Variants in CNN3 observed in about 807,000 individuals in gnomAD.
CNN3 encodes calponin 3.
In CNN3, 11 loss-of-function variants were observed where a neutral mutation model predicts 39.0. The observed-to-expected ratio is 0.28, with a 90% CI of 0.18 to 0.47. The LOEUF is 0.47. Among genes scored for constraint, CNN3 ranks in the 20% least tolerant of loss-of-function variants. CNN3 has a pLI of 0.99. For missense variants in CNN3, 266 were observed against 403.4 expected (o/e 0.66, Z 2.92); for synonymous variants, 101 against 138.3 (o/e 0.73, Z 1.89).
rs377017345 is a variant in CNN3 at position 94,899,298 on chromosome 1, C to T, written c.648+73G>A. ...CTCTAAATAAACTATACAAAAAATA[C>T]CTACTTTAAACTTCTGGTTAATAAA... On this transcript the variant is annotated intron_variant, in intron 6 of 6. Coordinates refer to ENST00000370206, the MANE Select transcript of CNN3 (RefSeq NM_001839.5). 1.7e-5 allele frequency: 24 copies of T among 1,450,564 alleles called. No homozygotes were observed. The African/African-American group carries it at 3.5e-4, about 21-fold the overall frequency. 89.9% of individuals were successfully genotyped at this position (1,450,564 alleles called of 1,614,324 possible).
At position 94,926,105 on chromosome 1, in the gene CNN3, T is replaced by C. The variant is rs1671569537; in HGVS notation, c.57+733A>G. Among the ~76,000 whole-genome samples, 1 of 152,110 alleles carries C rather than the reference T, an allele frequency of 6.6e-6. No individual in the cohort carries two copies. The highest frequency in any genetic ancestry group is 1.5e-5 in the Non-Finnish European group (1 of 68,018). On this transcript the variant is annotated intron_variant, in intron 1 of 6. Coordinates refer to ENST00000370206, the MANE Select transcript of CNN3 (RefSeq NM_001839.5). This position sits in a 1 kb window ranked among gnomAD's most constrained non-coding sequence, Gnocchi z 4.2. ...CCCAAACAAAAGCAACCCACAAAAA[T>C]AATCCTTTATGTCGTGAAAGTCTAA...
intron 2 of CNN3, 92 bp downstream of exon 2, chr1:94,903,311 G>A (rs1185648152): frequency 6.5e-7 from 1 of 1,543,884 alleles, no homozygotes; most frequent in Non-Finnish European, 8.7e-7. Context: ...GAATATCAAG[G>A]TCTGACACCC....
chr1:94,920,663 T>C (rs769547248), intron 1 of CNN3, among the ~76,000 whole-genome samples: 2 of 152,196 alleles, frequency 1.3e-5, no homozygotes, highest in African/African-American at 4.8e-5. Context: ...CACAGTAAGA[T>C]GCAGAACCAG....
At chr1:94,904,372 T>C (rs555752197) in intron 1 of CNN3, among the ~76,000 whole-genome samples, 4 of 152,142 alleles carry the variant, frequency 2.6e-5, no homozygotes, top group Non-Finnish European at 5.9e-5. Context: ...AACAAAATAT[T>C]GTGAAAAAAA....
At chr1:94,921,773 A>C in intron 1 of CNN3, among the ~76,000 whole-genome samples, 1 of 152,262 alleles carries the variant, frequency 6.6e-6, no homozygotes. Context: ...TTAAAACTCC[A>C]GAGTAAATAA....
chr1:94,907,334 C>T (rs964849422), intron 1 of CNN3, among the ~76,000 whole-genome samples: 6 of 152,118 alleles, frequency 3.9e-5, no homozygotes, highest in African/African-American at 1.4e-4. Flanking sequence ...TGCAGTCAGG[C>T]CAGCTAAACA....
At position 94,902,212 on chromosome 1, in the gene CNN3, A is replaced by G; in HGVS notation, c.293T>C (p.Met98Thr). The G allele has an allele frequency of 6.2e-7, 1 of 1,612,812 alleles. No homozygotes were observed. Among genetic ancestry groups the G allele is most frequent in the Admixed American group, 1.7e-5 (1 of 60,024 alleles). ...NFIKAIQAYG[M>T]KPHDIFEAND... ...TGCTTCGAATATGTCATGTGGCTTC[A>G]TACCATAAGCCTGAATAGCTTTAAT... Residue 98 changes from methionine (M) to threonine (T), a missense_variant, in exon 4 of 7, where the codon ATG becomes ACG. Met to Thr is a moderately conservative substitution (Grantham distance 81, BLOSUM62 -1). Coordinates refer to ENST00000370206, the MANE Select transcript of CNN3 (RefSeq NM_001839.5).
chr1:94,904,025 T>C (rs1385416084), intron 1 of CNN3, among the ~76,000 whole-genome samples: 1 of 152,112 alleles, frequency 6.6e-6, no homozygotes, highest in African/African-American at 2.4e-5. Flanking sequence ...ACACACTATA[T>C]ACTAAACACA....
intron 1 of CNN3, among the ~76,000 whole-genome samples, chr1:94,924,780 G>C (rs1671537362): frequency 1.3e-5 from 2 of 152,224 alleles, no homozygotes; most frequent in South Asian, 4.1e-4. Flanking sequence ...CTGAGCTTCA[G>C]TGTACTGATC....
At chr1:94,902,859 T>G (rs1263551169) in intron 3 of CNN3, among the ~76,000 whole-genome samples, 1 of 152,130 alleles carries the variant, frequency 6.6e-6, no homozygotes, top group Non-Finnish European at 1.5e-5. Flanking sequence ...AAGTCCTTTC[T>G]GAATGTACAC....
chr1:94,911,023 C>T (rs1414999086), intron 1 of CNN3, among the ~76,000 whole-genome samples: 1 of 152,172 alleles, frequency 6.6e-6, no homozygotes, highest in African/African-American at 2.4e-5. Context: ...GTGTTTGCAT[C>T]CCGAATTCTT....
At chr1:94,903,618 C>T in intron 1 of CNN3, 94 bp from the exon 2 acceptor site, 1 of 1,522,784 alleles carries the variant, frequency 6.6e-7, no homozygotes, top group Non-Finnish European at 9.0e-7. Context: ...GCCATTAAGA[C>T]CACAGCTGTG....
At chr1:94,900,882 G>A (rs922397787) in intron 5 of CNN3, among the ~76,000 whole-genome samples, 3 of 152,180 alleles carry the variant, frequency 2.0e-5, no homozygotes, top group African/African-American at 2.4e-5. Flanking sequence ...CATTAAGGTC[G>A]TGTAAAATTG....
At chr1:94,925,852 T>G in intron 1 of CNN3, 1 of 978,408 alleles carries the variant, frequency 1.0e-6, no homozygotes, top group Non-Finnish European at 1.2e-6. Context: ...CTGTGCACAG[T>G]TCCGCGCCGA....
At chr1:94,902,902 G>A (rs859055) in intron 3 of CNN3, among the ~76,000 whole-genome samples, 76,868 of 151,680 alleles carry the variant, frequency 0.51, 20,793 homozygotes, top group Non-Finnish European at 0.61. Flanking sequence ...TAAGCTAAAC[G>A]TAATAATTAC....
At chr1:94,912,974 T>C (rs1270732500) in intron 1 of CNN3, among the ~76,000 whole-genome samples, 4 of 152,224 alleles carry the variant, frequency 2.6e-5, no homozygotes, top group Admixed American at 6.5e-5. Flanking sequence ...CTCGTGGTGA[T>C]GTGTACCTCA....
At chr1:94,919,183 G>A (rs1306229284) in intron 1 of CNN3, among the ~76,000 whole-genome samples, 1 of 152,160 alleles carries the variant, frequency 6.6e-6, no homozygotes, top group African/African-American at 2.4e-5. Flanking sequence ...CCAATTCTTT[G>A]AAGAAAGATA....
In CNN3 at chr1:94,897,853, C is replaced by T. The variant is rs368719683; in HGVS notation, c.879G>A (p.Ser293=). 2.2e-5 allele frequency: 35 copies of T among 1,613,978 alleles called. 1 individual carries two copies. Among genetic ancestry groups the T allele is most frequent in the Admixed American group, 1.5e-4 (9 of 59,992 alleles). The change falls in exon 7 of 7, where the codon TCG becomes TCA. Residue 293 remains serine (S), a synonymous_variant. Transcript: ENST00000370206. ...NGSQGTGTNG[S]EISDSDYQAE... is the part of the protein sequence containing the mutation. ...CCTGATAATCACTATCACTGATTTC[C>T]GAACCATTTGTTCCTGTTCCTTGGC...
chr1:94,908,138 C>T (rs1254944818), intron 1 of CNN3, among the ~76,000 whole-genome samples: 1 of 152,202 alleles, frequency 6.6e-6, no homozygotes, highest in African/African-American at 2.4e-5. Flanking sequence ...TGTCTAGGCA[C>T]ACCTGCTGGA....
Sources: allele counts gnomAD v4.1 joint callset (sites outside exome capture counted in the v4.1 genomes callset), GRCh38; gene constraint gnomAD v4.1.1; non-coding constraint Gnocchi (gnomAD v3.1); transcripts MANE v1.5; gene names NCBI Gene and HGNC (gene_info 2026-07-23, HGNC 2026-07-21).